The following COMMD10 variants were observed in gnomAD, a reference collection of about 807,000 sequenced individuals.
COMMD10 encodes the protein COMM domain-containing protein 10.
COMMD10 carries 33 observed loss-of-function variants against 28.9 expected under a neutral mutation model. The observed-to-expected ratio is 1.14, with a 90% CI of 0.87 to 1.53. The LOEUF is 1.53. COMMD10 is among the 40% of genes most tolerant of loss of function. The probability of loss-of-function intolerance (pLI) is 0.00; values close to 1 mark genes in which losing one functional copy is unlikely to be tolerated. For missense variants in COMMD10, 310 were observed against 233.4 expected (o/e 1.33, Z -2.14); for synonymous variants, 110 against 81.7 (o/e 1.35, Z -1.87).
At chr5:116,206,262 C>T (rs1377999245) in intron 5 of COMMD10, among the ~76,000 whole-genome samples, 1 of 152,126 alleles carries the variant, frequency 6.6e-6, no homozygotes, top group African/African-American at 2.4e-5. Context: ...CATTGAGTAG[C>T]CTTAGAGTTG....
At chr5:116,272,640 A>G (rs900183147) in intron 5 of COMMD10, among the ~76,000 whole-genome samples, 2 of 151,966 alleles carry the variant, frequency 1.3e-5, no homozygotes, top group Admixed American at 1.3e-4. Flanking sequence ...ATGCCATATT[A>G]CATATCCTGT....
chr5:116,112,050 G>A (rs983370611), intron 4 of COMMD10, among the ~76,000 whole-genome samples: 3 of 152,124 alleles, frequency 2.0e-5, no homozygotes, highest in African/African-American at 7.2e-5. Flanking sequence ...GGGTTGCCCT[G>A]TCTCTTTCAA....
chr5:116,275,583 A>G lies in COMMD10; in HGVS notation c.511-15934A>G, dbSNP rs934954005. The stretch of plus-strand genomic sequence containing the variant: ...TGTCTTCATCATTGCTGTAACCCCA[A>G]CACCCTAGCGTGTTGCTCGTAAATC... On this transcript the variant is annotated intron_variant, in intron 5 of 6. Coordinates refer to ENST00000274458, the MANE Select transcript of COMMD10 (RefSeq NM_016144.4). 5.3e-5 allele frequency among the ~76,000 whole-genome samples: 8 copies of G among 151,770 alleles called. No individual in the cohort carries two copies. The East Asian group carries it at 5.8e-4, about 11-fold the overall frequency.
At chr5:116,117,420 A>G (rs1451506529) in intron 4 of COMMD10, among the ~76,000 whole-genome samples, 2 of 152,090 alleles carry the variant, frequency 1.3e-5, no homozygotes, top group Non-Finnish European at 2.9e-5. Context: ...TTCCTTTAAG[A>G]GTCAAATTTC....
chr5:116,087,875 A>C (rs1003599523), intron 2 of COMMD10, among the ~76,000 whole-genome samples: 2 of 152,088 alleles, frequency 1.3e-5, no homozygotes, highest in East Asian at 3.9e-4. Flanking sequence ...AATGTGTTTG[A>C]CCTTGGATCT....
At chr5:116,096,407 A>T (rs556570433) in intron 4 of COMMD10, among the ~76,000 whole-genome samples, 3 of 151,478 alleles carry the variant, frequency 2.0e-5, no homozygotes, top group African/African-American at 4.8e-5. Context: ...TTGATAGTAT[A>T]TGGAAATACA....
Position 116,178,152 on chromosome 5 carries a change from A to G in COMMD10, c.510+43974A>G, listed in dbSNP as rs73255182. On this transcript the variant is annotated intron_variant, in intron 5 of 6. Coordinates refer to ENST00000274458, the MANE Select transcript of COMMD10 (RefSeq NM_016144.4). ...AAAGCAAGTTAGAGATAAGGAAAGT[A>G]AGGTGAAAATGAGCCAACTGCTTAA... Among the ~76,000 whole-genome samples, 1,232 of 152,254 alleles carry G rather than the reference A, an allele frequency of 8.1e-3. 22 individuals carry two copies. Among genetic ancestry groups the G allele is most frequent in the African/African-American group, 0.027 (1,142 of 41,570 alleles).
chr5:116,272,759 A>G (rs905844146), intron 5 of COMMD10, among the ~76,000 whole-genome samples: 3 of 151,870 alleles, frequency 2.0e-5, no homozygotes, highest in Admixed American at 6.6e-5. Flanking sequence ...GAGTTTTGGC[A>G]TCCATCTAGT....
intron 5 of COMMD10, among the ~76,000 whole-genome samples, chr5:116,226,715 T>C (rs1228217677): frequency 1.3e-5 from 2 of 151,996 alleles, no homozygotes; most frequent in African/African-American, 2.4e-5. Flanking sequence ...AGAAATGAAA[T>C]CATCTAAGTA....
At chr5:116,174,251 A>G (rs756390466) in intron 5 of COMMD10, among the ~76,000 whole-genome samples, 2 of 152,146 alleles carry the variant, frequency 1.3e-5, no homozygotes, top group East Asian at 1.9e-4. Flanking sequence ...CTGAGATGGA[A>G]GTGTGCTTGC....
chr5:116,145,885 C>G (rs148120968), intron 5 of COMMD10, among the ~76,000 whole-genome samples: 3 of 151,884 alleles, frequency 2.0e-5, no homozygotes, highest in African/African-American at 2.4e-5. Flanking sequence ...TTTCTTGAGG[C>G]CTTCCCAGCC....
chr5:116,230,062 A>G (rs975610369), intron 5 of COMMD10, among the ~76,000 whole-genome samples: 3 of 151,936 alleles, frequency 2.0e-5, no homozygotes, highest in Non-Finnish European at 2.9e-5. Context: ...TCTTTGCCTC[A>G]TATATCATAA....
At chr5:116,170,922 A>G (rs999794238) in intron 5 of COMMD10, among the ~76,000 whole-genome samples, 1 of 152,208 alleles carries the variant, frequency 6.6e-6, no homozygotes, top group Non-Finnish European at 1.5e-5. Flanking sequence ...AGACATAGGC[A>G]TGGGCCAAGA....
chr5:116,245,060 AAATT>A (rs1749907543), intron 5 of COMMD10, among the ~76,000 whole-genome samples: 1 of 151,682 alleles, frequency 6.6e-6, no homozygotes, highest in Admixed American at 6.6e-5. Context: ...TTGAAAAAAA[AAATT>A]AATAAAATAC....
intron 5 of COMMD10, among the ~76,000 whole-genome samples, chr5:116,238,956 G>C (rs1020514833): frequency 2.0e-5 from 3 of 152,044 alleles, no homozygotes; most frequent in Non-Finnish European, 2.9e-5. Flanking sequence ...CCAAAAATTT[G>C]TTTTTCTCCA....
At position 116,085,031 on chromosome 5, in the gene COMMD10, C is replaced by A. The variant is rs1750040177; in HGVS notation, c.-22C>A. On this transcript the variant is annotated 5_prime_UTR_variant, in exon 1 of 7. Transcript: ENST00000274458. ...TGGGTTCGGCGCAGCTAACAGACGGCGGCAGTGCGAGAAAGCCGAAGATGG... is the reference window on the plus strand; with the variant it reads ...TGGGTTCGGCGCAGCTAACAGACGGAGGCAGTGCGAGAAAGCCGAAGATGG... 1.9e-6 allele frequency: 3 copies of A among 1,602,448 alleles called. No individual in the cohort carries two copies. Among genetic ancestry groups the A allele is most frequent in the Non-Finnish European group, 2.6e-6 (3 of 1,176,440 alleles).
chr5:116,232,534 C>G (rs1580568154), intron 5 of COMMD10, among the ~76,000 whole-genome samples: 1 of 152,110 alleles, frequency 6.6e-6, no homozygotes, highest in Non-Finnish European at 1.5e-5. Context: ...AACCCCATCT[C>G]TACTAAAAAT....
At chr5:116,208,934 C>T (rs7730943) in intron 5 of COMMD10, among the ~76,000 whole-genome samples, 48,790 of 151,960 alleles carry the variant, frequency 0.32, 11,083 homozygotes, top group African/African-American at 0.65. Flanking sequence ...GTTTGTTAGA[C>T]CAAACATTGG....
intron 5 of COMMD10, among the ~76,000 whole-genome samples, chr5:116,142,129 T>G (rs1752214001): frequency 6.6e-6 from 1 of 151,918 alleles, no homozygotes; most frequent in Non-Finnish European, 1.5e-5. Flanking sequence ...TTATTCAACA[T>G]AAACTTTTTC....
Sources: gnomAD v4.1 joint callset for allele counts (sites outside exome capture counted in the v4.1 genomes callset) on GRCh38, gnomAD v4.1.1 for gene constraint, MANE v1.5 for transcripts, NCBI Gene and HGNC (gene_info 2026-07-23, HGNC 2026-07-21) for gene names.